The following ANGPTL3 variants were observed in gnomAD, a reference collection of about 807,000 sequenced individuals.
ANGPTL3 encodes the protein angiopoietin like 3.
ANGPTL3 carries 51 observed loss-of-function variants against 52.7 expected under a neutral mutation model. The ratio of observed to expected loss-of-function variants is 0.97; its 90% CI spans 0.77 to 1.22. ANGPTL3 has a LOEUF of 1.22. Among genes scored for constraint, ANGPTL3 ranks in the 50% most tolerant of loss-of-function variants. ANGPTL3 has a pLI of 0.00. For synonymous variants in ANGPTL3, 185 were observed against 179.8 expected (o/e 1.03, Z -0.23); for missense variants, 506 against 520.7 (o/e 0.97, Z 0.27).
intron 2 of ANGPTL3, 46 bp from the exon 3 acceptor site, chr1:62,601,036 T>A: frequency 9.2e-7 from 1 of 1,088,714 alleles, no homozygotes; most frequent in Non-Finnish European, 1.4e-6. Context: ...CCCCTAATTG[T>A]ATATTCAGTA....
chr1:62,604,238 A>G lies in ANGPTL3; in HGVS notation c.1198+3A>G, dbSNP rs746167245. 2 of 1,612,992 alleles carry G rather than the reference A, an allele frequency of 1.2e-6. No individual in the cohort carries two copies. Among genetic ancestry groups the G allele is most frequent in the Non-Finnish European group, 8.5e-7 (1 of 1,179,140 alleles). ...CAACTGTCCAGAGGGTTATTCAGGT[A>G]TCTTTTTCTGATACCAATACTTTAT... On this transcript the variant is annotated splice_donor_region_variant and intron_variant, in intron 6 of 6. Transcript: ENST00000371129.
At chr1:62,602,472 A>G in intron 5 of ANGPTL3, 92 bp downstream of exon 5, 2 of 1,084,890 alleles carry the variant, frequency 1.8e-6, no homozygotes, top group Non-Finnish European at 1.4e-6. Flanking sequence ...GAAAAGTAGT[A>G]ACGAACGAGA....
intron 5 of ANGPTL3, 106 bp from the exon 6 acceptor site, chr1:62,603,863 A>G: frequency 9.3e-7 from 1 of 1,077,332 alleles, no homozygotes. Context: ...AAGGGATTCA[A>G]GACTAAACAA....
Position 62,604,346 on chromosome 1 carries a change from G to C in ANGPTL3, c.1198+111G>C, listed in dbSNP as rs72651034. On this transcript the variant is annotated intron_variant, in intron 6 of 6. Transcript: ENST00000371129. ...TTAAAAATCCGAATCCCAAATAAGC[G>C]TTTTCTCTCTAGACGAAAACCTCTT... 2.0e-5 allele frequency: 27 copies of C among 1,358,064 alleles called. No individual in the cohort carries two copies. The African/African-American group carries it at 2.6e-4, about 13-fold the overall frequency. The allele number at this position is 1,358,064 out of a possible 1,614,324, so 84.1% of individuals were successfully genotyped here.
rs776558413 is a variant in ANGPTL3, at chr1:62,597,606, G to C, written c.40G>C (p.Val14Leu). 3.7e-6 allele frequency: 6 copies of C among 1,612,698 alleles called. No homozygotes were observed. The East Asian group carries it at 1.3e-4, about 36-fold the overall frequency. ...GCTCCTTCTTTTTATTGTTCCTCTAGTTATTTCCTCCAGAATTGATCAAGA... is the reference window on the plus strand; with the variant it reads ...GCTCCTTCTTTTTATTGTTCCTCTACTTATTTCCTCCAGAATTGATCAAGA... The part of the protein sequence containing the change: ...IKLLLFIVPL[V>L]ISSRIDQDNS... Residue 14 changes from valine to leucine, a missense_variant, in exon 1 of 7, where the codon GTT (valine) becomes CTT (leucine). Val to Leu is a conservative substitution (Grantham distance 32, BLOSUM62 1). Transcript: ENST00000371129.
intron 2 of ANGPTL3, among the ~76,000 whole-genome samples, chr1:62,599,045 C>T (rs1055488584): frequency 6.6e-6 from 1 of 152,012 alleles, no homozygotes; most frequent in Non-Finnish European, 1.5e-5. Flanking sequence ...CTCACATATA[C>T]TACAAAGATA....
intron 2 of ANGPTL3, among the ~76,000 whole-genome samples, chr1:62,599,171 T>C (rs906713383): frequency 6.6e-6 from 1 of 152,084 alleles, no homozygotes; most frequent in Non-Finnish European, 1.5e-5. Flanking sequence ...ACACAATAGC[T>C]TTCCATTTCA....
rs1424853070 is a variant in ANGPTL3, at chr1:62,601,344, C to T, written c.721+148C>T. 1.1e-5 allele frequency: 7 copies of T among 635,832 alleles called. No homozygotes were observed. The East Asian group carries it at 1.7e-4, about 15-fold the overall frequency. 39.4% of individuals were successfully genotyped at this position (635,832 alleles called of 1,614,324 possible). On this transcript the variant is annotated intron_variant, in intron 3 of 6. Coordinates refer to ENST00000371129, the MANE Select transcript of ANGPTL3 (RefSeq NM_014495.4). Reference sequence around the variant, plus strand: ...CTGGATGCTGGGGTTCTTTTTACACCCTATAAAAGACATACCTAAGACAAT... The same window carrying T: ...CTGGATGCTGGGGTTCTTTTTACACTCTATAAAAGACATACCTAAGACAAT...
At chr1:62,600,557 G>C (rs772999204) in intron 2 of ANGPTL3, among the ~76,000 whole-genome samples, 1 of 151,676 alleles carries the variant, frequency 6.6e-6, no homozygotes, top group Non-Finnish European at 1.5e-5. Flanking sequence ...CTAAACTAAC[G>C]ATAAACTACT....
At chr1:62,598,128 TA>T in intron 1 of ANGPTL3, 67 bp downstream of exon 1, 1 of 1,399,900 alleles carries the variant, frequency 7.1e-7, no homozygotes. Context: ...AAAATATTTC[TA>T]AGGCATGCCA....
chr1:62,605,021 A>T lies in ANGPTL3; in HGVS notation c.*204A>T. On this transcript the variant is annotated 3_prime_UTR_variant, in exon 7 of 7. Coordinates refer to ENST00000371129, the MANE Select transcript of ANGPTL3 (RefSeq NM_014495.4). ...ACATTTCTCAATCAAAATTCTTATA[A>T]TACTATTTGTTTTAAATTTTGTGAT... 1.9e-6 allele frequency: 1 copy of T among 540,054 alleles called. No individual in the cohort carries two copies. The highest frequency in any genetic ancestry group is 3.2e-6 in the Non-Finnish European group (1 of 311,352). The allele number at this position is 540,054 out of a possible 1,614,324, so 33.5% of individuals were successfully genotyped here. A position where few individuals can be genotyped will look rare whatever the true frequency, so the allele number is the denominator to read the frequency against.
chr1:62,604,442 T>C (rs967523787), intron 6 of ANGPTL3, 191 bp from the exon 7 acceptor site: 1 of 892,628 alleles, frequency 1.1e-6, no homozygotes, highest in Non-Finnish European at 1.7e-6. Flanking sequence ...ATTTTCTATT[T>C]TTTGGTAGTG....
At chr1:62,603,486 T>C (rs35285100) in intron 5 of ANGPTL3, among the ~76,000 whole-genome samples, 6,549 of 151,868 alleles carry the variant, frequency 0.043, 223 homozygotes, top group Non-Finnish European at 0.066. Context: ...TGTCTTTTTC[T>C]ACAAAGAAAG....
Position 62,597,838 on chromosome 1 carries a change from AAATCAAAG to A in ANGPTL3, c.275_282del (p.Ile92ArgfsTer11). ...TATGATCTATCGCTGCAAACCAGTG[AAATCAAAG>A]AAGAAGAAAAGGAACTGAGAAGAAC... On this transcript the variant is annotated frameshift_variant, in exon 1 of 7. Coordinates refer to ENST00000371129, the MANE Select transcript of ANGPTL3 (RefSeq NM_014495.4). LOFTEE classifies it high-confidence loss of function. 1 of 1,605,636 alleles carries A rather than the reference AAATCAAAG, an allele frequency of 6.2e-7. No individual in the cohort carries two copies. Among genetic ancestry groups the A allele is most frequent in the Non-Finnish European group, 8.5e-7 (1 of 1,176,602 alleles).
rs1314857143 is a variant in ANGPTL3, at chr1:62,604,810, T to C, written c.1376T>C (p.Phe459Ser). Reference protein sequence around the residue: ...MLIHPTDSESFE With the variant: ...MLIHPTDSESSE Reference sequence around the variant, plus strand: ...ATCCATCCAACAGATTCAGAAAGCTTTGAATGAACTGAGGCAAATTTAAAA... The same window carrying C: ...ATCCATCCAACAGATTCAGAAAGCTCTGAATGAACTGAGGCAAATTTAAAA... The change falls in exon 7 of 7, where the codon TTT becomes TCT. Residue 459 changes from phenylalanine to serine, a missense_variant. Transcript: ENST00000371129. The C allele has an allele frequency of 6.2e-6, 10 of 1,612,630 alleles. No homozygotes were observed. Among genetic ancestry groups the C allele is most frequent in the Non-Finnish European group, 8.5e-6 (10 of 1,179,128 alleles).
intron 2 of ANGPTL3, 35 bp from the exon 3 acceptor site, chr1:62,601,047 T>C: frequency 1.6e-6 from 2 of 1,245,378 alleles, no homozygotes; most frequent in Non-Finnish European, 2.4e-6. Flanking sequence ...ATATTCAGTA[T>C]CATTTTAAAA....
chr1:62,597,671 A>G lies in ANGPTL3; in HGVS notation c.105A>G (p.Ser35=). The G allele has an allele frequency of 6.2e-7, 1 of 1,613,536 alleles. No individual in the cohort carries two copies. The highest frequency in any genetic ancestry group is 8.5e-7 in the Non-Finnish European group (1 of 1,179,678). Reference sequence around the variant, plus strand: ...ATTCTCTATCTCCAGAGCCAAAATCAAGATTTGCTATGTTAGACGATGTAA... The same window carrying G: ...ATTCTCTATCTCCAGAGCCAAAATCGAGATTTGCTATGTTAGACGATGTAA... ...SFDSLSPEPK[S]RFAMLDDVKI... Residue 35 remains serine, a synonymous_variant, in exon 1 of 7, where the codon TCA becomes TCG. Coordinates refer to ENST00000371129, the MANE Select transcript of ANGPTL3 (RefSeq NM_014495.4).
At position 62,604,916 on chromosome 1, in the gene ANGPTL3, G is replaced by C; in HGVS notation, c.*99G>C. On this transcript the variant is annotated 3_prime_UTR_variant, in exon 7 of 7. Transcript: ENST00000371129. Reference sequence around the variant, plus strand: ...ATTAAATCCTTAAGAGAAAGCTTGAGAAATAGATTTTTTTTATCTTAAAGT... The same window carrying C: ...ATTAAATCCTTAAGAGAAAGCTTGACAAATAGATTTTTTTTATCTTAAAGT... 7.7e-7 allele frequency: 1 copy of C among 1,291,908 alleles called. No individual in the cohort carries two copies. Among genetic ancestry groups the C allele is most frequent in the Non-Finnish European group, 1.1e-6 (1 of 907,180 alleles). The allele number at this position is 1,291,908 out of a possible 1,614,324, so 80.0% of individuals were successfully genotyped here. A position where few individuals can be genotyped will look rare whatever the true frequency, so the allele number is the denominator to read the frequency against.
At chr1:62,601,281 T>C in intron 3 of ANGPTL3, 85 bp downstream of exon 3, 1 of 950,074 alleles carries the variant, frequency 1.1e-6, no homozygotes, top group Middle Eastern at 2.2e-4. Context: ...TAAAAGATAG[T>C]TAAGAGATAT....
Sources: gnomAD v4.1 joint callset for allele counts (sites outside exome capture counted in the v4.1 genomes callset) on GRCh38, gnomAD v4.1.1 for gene constraint, MANE v1.5 for transcripts, NCBI Gene and HGNC (gene_info 2026-07-23, HGNC 2026-07-21) for gene names.